TGIF1: variants seen among roughly 807,000 people sequenced by gnomAD.
TGIF1 encodes the protein TGFB induced factor homeobox 1.
In TGIF1, 4 loss-of-function variants were observed where a neutral mutation model predicts 19.3. That is an observed-to-expected ratio of 0.21 (90% CI 0.10 to 0.47). The LOEUF (loss-of-function observed/expected upper bound fraction) is 0.47. TGIF1 is among the 20% of genes least tolerant of loss of function. The pLI is 0.98. For missense variants in TGIF1, 275 were observed against 341.4 expected, an observed-to-expected ratio of 0.81 and a Z score of 1.53; for synonymous variants, 122 against 129.3, an observed-to-expected ratio of 0.94 and a Z score of 0.38.
chr18:3,446,944 T>G (rs2082756005), upstream of TGIF1, among the ~76,000 whole-genome samples: 1 of 152,318 alleles, frequency 6.6e-6, no homozygotes, highest in East Asian at 1.9e-4. Context: ...CAATTGTTGT[T>G]GAGTAGAAGA....
In TGIF1 at chr18:3,450,213, A is replaced by T; in HGVS notation, c.-277A>T. The stretch of plus-strand genomic sequence containing the variant: ...GGTGCGCCGAGCAGGAGCAGGGAAC[A>T]AAGGAGCGGAGAGGGGAGGGGAGAG... On this transcript the variant is annotated 5_prime_UTR_variant, in exon 1 of 3. Coordinates refer to ENST00000343820, the MANE Select transcript of TGIF1 (RefSeq NM_003244.4). 1.4e-6 allele frequency: 2 copies of T among 1,398,442 alleles called. No homozygotes were observed. Among genetic ancestry groups the T allele is most frequent in the Non-Finnish European group, 1.9e-6 (2 of 1,078,396 alleles). The allele number at this position is 1,398,442 out of a possible 1,614,324, so 86.6% of individuals were successfully genotyped here. A position where few individuals can be genotyped will look rare whatever the true frequency, so the allele number is the denominator to read the frequency against.
upstream of TGIF1, chr18:3,447,484 C>A: frequency 1.7e-6 from 1 of 589,918 alleles, no homozygotes; most frequent in Non-Finnish European, 3.0e-6. Context: ...AAAAAATACC[C>A]TAAGCAATTG....
At position 3,458,616 on chromosome 18, in the gene TGIF1, TAG is replaced by T. The variant is rs1413317922; in HGVS notation, c.*679_*680del. The T allele has an allele frequency of 1.9e-5, 3 of 153,938 alleles. No homozygotes were observed. Among genetic ancestry groups the T allele is most frequent in the African/African-American group, 7.2e-5 (3 of 41,460 alleles). The allele number at this position is 153,938 out of a possible 1,614,324, so 9.5% of individuals were successfully genotyped here. ...CTTGATAGGAGGCATAGCAGGCCCT[TAG>T]AGCTTTACTTAAACTGCATGGCAAA... On this transcript the variant is annotated 3_prime_UTR_variant, in exon 3 of 3. Transcript: ENST00000343820.
upstream of TGIF1, chr18:3,450,137 C>G: frequency 4.5e-6 from 5 of 1,114,792 alleles, no homozygotes; most frequent in Non-Finnish European, 4.4e-6. Context: ...GGGGCGGAGG[C>G]AGGACCTCCT....
chr18:3,443,738 G>A (rs867997836), intron 2 of TGIF1, among the ~76,000 whole-genome samples: 2 of 151,820 alleles, frequency 1.3e-5, no homozygotes, highest in African/African-American at 4.8e-5. Flanking sequence ...TCACCATGTT[G>A]GCCAGGCTGG....
rs2082956137 is a variant in TGIF1, at chr18:3,451,952, A to G, written c.16+1447A>G. ...TGTCTGTTGTGGTGGGCCTCCCGGG[A>G]ATAAGTGAGGGGCTCTGTGTTTCGA... On this transcript the variant is annotated intron_variant, in intron 1 of 2. Transcript: ENST00000343820. This position sits in a 1 kb window ranked among gnomAD's most constrained non-coding sequence, Gnocchi z 5.4. The G allele has an allele frequency of 6.4e-7, 1 of 1,552,532 alleles. No homozygotes were observed. Among genetic ancestry groups the G allele is most frequent in the South Asian group, 1.2e-5 (1 of 81,648 alleles).
intron 1 of TGIF1, chr18:3,452,229 C>T: frequency 6.2e-7 from 1 of 1,609,464 alleles, no homozygotes; most frequent in South Asian, 1.1e-5. Context: ...CCCCCCTCCT[C>T]CACCGGCGCG....
intron 2 of TGIF1, among the ~76,000 whole-genome samples, chr18:3,444,909 C>G (rs1388091877): frequency 1.3e-5 from 2 of 152,122 alleles, no homozygotes; most frequent in African/African-American, 4.8e-5. Flanking sequence ...TGGTTCTGAA[C>G]CAGGGGTGAT....
chr18:3,415,278 C>A, intron 1 of TGIF1: 1 of 270,162 alleles, frequency 3.7e-6, no homozygotes, highest in Admixed American at 3.8e-5. Flanking sequence ...CTTACCAAAA[C>A]CAGAGGCAGA....
At position 3,451,991 on chromosome 18, in the gene TGIF1, G is replaced by T. The variant is rs765309909; in HGVS notation, c.16+1486G>T. 1 of 1,597,662 alleles carries T rather than the reference G, an allele frequency of 6.3e-7. No homozygotes were observed. On this transcript the variant is annotated intron_variant, in intron 1 of 2. Coordinates refer to ENST00000343820, the MANE Select transcript of TGIF1 (RefSeq NM_003244.4). This position sits in a 1 kb window ranked among gnomAD's most constrained non-coding sequence, Gnocchi z 5.4. ...TCTGTGTTTCGAGGATGGTTCTAGC[G>T]CAGAGCCGGGTGTCTGCCGGGGTGG...
chr18:3,429,953 G>C (rs1174418681), intron 2 of TGIF1, among the ~76,000 whole-genome samples: 1 of 152,226 alleles, frequency 6.6e-6, no homozygotes, highest in Non-Finnish European at 1.5e-5. Flanking sequence ...TCAGGAGTTG[G>C]AGACCAGCCT....
In TGIF1 at chr18:3,451,981, T is replaced by C. The variant is rs1598898981; in HGVS notation, c.16+1476T>C. The C allele has an allele frequency of 6.3e-7, 1 of 1,580,362 alleles. No individual in the cohort carries two copies. The highest frequency in any genetic ancestry group is 2.2e-5 in the East Asian group (1 of 44,520). ...AGTGAGGGGCTCTGTGTTTCGAGGATGGTTCTAGCGCAGAGCCGGGTGTCT... is the reference window on the plus strand; with the variant it reads ...AGTGAGGGGCTCTGTGTTTCGAGGACGGTTCTAGCGCAGAGCCGGGTGTCT... On this transcript the variant is annotated intron_variant, in intron 1 of 2. Coordinates refer to ENST00000343820, the MANE Select transcript of TGIF1 (RefSeq NM_003244.4). This position sits in a 1 kb window ranked among gnomAD's most constrained non-coding sequence, Gnocchi z 5.4.
chr18:3,418,549 T>C (rs2082361239), intron 2 of TGIF1: 1 of 152,246 alleles, frequency 6.6e-6, no homozygotes, highest in South Asian at 2.1e-4. Flanking sequence ...ATATAAATAG[T>C]TGTTATACTG....
upstream of TGIF1, chr18:3,447,732 G>A (rs1430715866): frequency 3.1e-6 from 5 of 1,614,160 alleles, no homozygotes; most frequent in Non-Finnish European, 2.5e-6. Flanking sequence ...TTTAACAACC[G>A]TTTGGATATG....
chr18:3,413,286 A>G (rs1286107316), intron 1 of TGIF1, among the ~76,000 whole-genome samples: 1 of 152,180 alleles, frequency 6.6e-6, no homozygotes, highest in Non-Finnish European at 1.5e-5. Context: ...GAATATTTTT[A>G]TTCTTCTTGG....
upstream of TGIF1, among the ~76,000 whole-genome samples, chr18:3,445,759 G>GAAAA (rs2082735951): frequency 1.6e-4 from 5 of 31,530 alleles, no homozygotes; most frequent in Non-Finnish European, 2.4e-4. Flanking sequence ...AAAAAGAGAA[G>GAAAA]AAAAGCAAAA....
At chr18:3,448,073 C>CG (rs34135793), upstream of TGIF1, 29,561 of 947,416 alleles carry the variant, frequency 0.031, 1,841 homozygotes, top group African/African-American at 0.26. Context: ...CTAAAGCGGG[C>CG]GGGGGGGGAG....
At chr18:3,431,307 T>A (rs114704406) in intron 2 of TGIF1, among the ~76,000 whole-genome samples, 2,059 of 152,058 alleles carry the variant, frequency 0.014, 53 homozygotes, top group African/African-American at 0.047. Context: ...ATTAGTCGGG[T>A]GTAGTGGTGG....
chr18:3,449,488 G>C (rs1287525744), upstream of TGIF1: 1 of 985,368 alleles, frequency 1.0e-6, no homozygotes, highest in Non-Finnish European at 1.2e-6. Flanking sequence ...TCCGGAACTC[G>C]CAGCTTTAGC....
Sources: allele counts gnomAD v4.1 joint callset (sites outside exome capture counted in the v4.1 genomes callset), GRCh38; gene constraint gnomAD v4.1.1; non-coding constraint Gnocchi (gnomAD v3.1); transcripts MANE v1.5; gene names NCBI Gene and HGNC (gene_info 2026-07-23, HGNC 2026-07-21).